Variants in TFCP2L1 observed in about 807,000 individuals in gnomAD.
The protein encoded by TFCP2L1 is transcription factor CP2 like 1, also known as transcription factor CP2-like protein 1.
A neutral mutation model predicts 72.2 loss-of-function variants in TFCP2L1; 12 were observed. The observed-to-expected ratio is 0.17, with a 90% CI of 0.11 to 0.27. The LOEUF is 0.27. TFCP2L1 is among the 10% of genes least tolerant of loss of function. The probability of loss-of-function intolerance (pLI) is 1.00; values close to 1 mark genes in which losing one functional copy is unlikely to be tolerated. For synonymous variants in TFCP2L1, 260 were observed against 251.0 expected (o/e 1.04, Z -0.34); for missense variants, 488 against 624.6 (o/e 0.78, Z 2.33).
Position 121,224,210 on chromosome 2 carries a change from T to C in TFCP2L1, c.*131A>G. 2.0e-6 allele frequency: 2 copies of C among 1,022,232 alleles called. No homozygotes were observed. Among genetic ancestry groups the C allele is most frequent in the East Asian group, 5.1e-5 (2 of 39,414 alleles). The allele number at this position is 1,022,232 out of a possible 1,614,324, so 63.3% of individuals were successfully genotyped here. On this transcript the variant is annotated 3_prime_UTR_variant, in exon 15 of 15. Coordinates refer to ENST00000263707, the MANE Select transcript of TFCP2L1 (RefSeq NM_014553.3). ...TCTGCTGGTTGGTGCTCTGTAGCTT[T>C]CACAGACTGGGCAGGGTCCCTCCTG...
At chr2:121,281,070 C>T (rs1355743687) in intron 2 of TFCP2L1, 50 bp downstream of exon 2, 4 of 1,610,940 alleles carry the variant, frequency 2.5e-6, no homozygotes, top group South Asian at 1.1e-5. Context: ...TTCGCATCAG[C>T]TCCCCACTAC....
At chr2:121,234,325 C>A in intron 11 of TFCP2L1, 131 bp from the exon 12 acceptor site, 1 of 826,822 alleles carries the variant, frequency 1.2e-6, no homozygotes, top group African/African-American at 1.7e-5. Context: ...ACGTGGAGTG[C>A]CTGTCATGGG....
intron 2 of TFCP2L1, among the ~76,000 whole-genome samples, chr2:121,250,443 C>T (rs1458718684): frequency 6.6e-6 from 1 of 150,508 alleles, no homozygotes; most frequent in African/African-American, 2.4e-5. Context: ...CCAATTTTCC[C>T]AAAATGTATC....
At chr2:121,270,693 A>G (rs960051411) in intron 2 of TFCP2L1, among the ~76,000 whole-genome samples, 4 of 151,956 alleles carry the variant, frequency 2.6e-5, no homozygotes, top group African/African-American at 7.3e-5. Context: ...GACATTGAAG[A>G]TATTTTGTTT....
chr2:121,277,493 C>A (rs951806917), intron 2 of TFCP2L1, among the ~76,000 whole-genome samples: 1 of 152,192 alleles, frequency 6.6e-6, no homozygotes, highest in Non-Finnish European at 1.5e-5. Flanking sequence ...TGATATGCAT[C>A]AAAAGCCTCA....
At chr2:121,263,863 G>C (rs1311160433) in intron 2 of TFCP2L1, among the ~76,000 whole-genome samples, 1 of 152,234 alleles carries the variant, frequency 6.6e-6, no homozygotes, top group Non-Finnish European at 1.5e-5. Context: ...CTGGGGCAGA[G>C]GTGGGTGACT....
At chr2:121,231,064 A>T (rs533109553) in intron 13 of TFCP2L1, among the ~76,000 whole-genome samples, 52 of 152,294 alleles carry the variant, frequency 3.4e-4, no homozygotes, top group African/African-American at 1.2e-3. Flanking sequence ...AACCTGGGGC[A>T]ATTACTCAGC....
rs1685897505 is a variant in TFCP2L1, at chr2:121,219,792, G to A, written c.*4549C>T. 6.6e-6 allele frequency: 1 copy of A among 152,152 alleles called. No homozygotes were observed. Among genetic ancestry groups the A allele is most frequent in the Non-Finnish European group, 1.5e-5 (1 of 68,032 alleles). The allele number at this position is 152,152 out of a possible 1,614,324, so 9.4% of individuals were successfully genotyped here. A position where few individuals can be genotyped will look rare whatever the true frequency, so the allele number is the denominator to read the frequency against. On this transcript the variant is annotated 3_prime_UTR_variant, in exon 15 of 15. Transcript: ENST00000263707. ...AGCTTTTTGTACGATTTTGATGGAG[G>A]GAAAAATGGGAAAACCCCTCAGATT...
intron 1 of TFCP2L1, among the ~76,000 whole-genome samples, chr2:121,281,916 T>C (rs1377560511): frequency 1.5e-5 from 2 of 133,246 alleles, no homozygotes; most frequent in African/African-American, 2.9e-5. Context: ...AAGTCTGTGT[T>C]TGTGTGGTTG....
intron 8 of TFCP2L1, among the ~76,000 whole-genome samples, chr2:121,238,705 T>C (rs1270345264): frequency 6.6e-6 from 1 of 151,874 alleles, no homozygotes; most frequent in African/African-American, 2.4e-5. Flanking sequence ...CCCCCTTTTG[T>C]AGTAGAGAAA....
rs1225552779 is a variant in TFCP2L1 at position 121,220,473 on chromosome 2, A to C, written c.*3868T>G. 6.6e-6 allele frequency: 1 copy of C among 152,250 alleles called. No individual in the cohort carries two copies. The highest frequency in any genetic ancestry group is 1.5e-5 in the Non-Finnish European group (1 of 68,046). The allele number at this position is 152,250 out of a possible 1,614,324, so 9.4% of individuals were successfully genotyped here. A position where few individuals can be genotyped will look rare whatever the true frequency, so the allele number is the denominator to read the frequency against. Reference sequence around the variant, plus strand: ...TATCTCAACCTTGCAGATACCCCGCAAAAACCGTGACGACCTAAGAGTAAG... The same window carrying C: ...TATCTCAACCTTGCAGATACCCCGCCAAAACCGTGACGACCTAAGAGTAAG... On this transcript the variant is annotated 3_prime_UTR_variant, in exon 15 of 15. Transcript: ENST00000263707.
At chr2:121,241,884 A>C (rs1293507268) in intron 7 of TFCP2L1, among the ~76,000 whole-genome samples, 2 of 152,104 alleles carry the variant, frequency 1.3e-5, no homozygotes. Flanking sequence ...GTCTATGTAC[A>C]CTGTTGGTAT....
chr2:121,283,970 A>C (rs186936280), intron 1 of TFCP2L1, among the ~76,000 whole-genome samples: 17 of 152,324 alleles, frequency 1.1e-4, no homozygotes, highest in African/African-American at 3.4e-4. Flanking sequence ...CATGAATAAA[A>C]ACAGCAGATA....
intron 6 of TFCP2L1, among the ~76,000 whole-genome samples, chr2:121,243,693 G>A (rs530193980): frequency 1.8e-4 from 27 of 151,710 alleles, no homozygotes; most frequent in Non-Finnish European, 3.2e-4. Flanking sequence ...CTCCTTATAA[G>A]AATCTAATGC....
rs757514680 is a variant in TFCP2L1 at position 121,232,004 on chromosome 2, G to A, written c.1199-36C>T. 6 of 1,546,360 alleles carry A rather than the reference G, an allele frequency of 3.9e-6. No individual in the cohort carries two copies. The East Asian group carries it at 1.2e-4, about 30-fold the overall frequency. ...GAGGAGCAAGTGCTGCTTTCCAAGT[G>A]GCCATTCTGTCAGTGTGAGCCTCCC... On this transcript the variant is annotated intron_variant, in intron 12 of 14. Coordinates refer to ENST00000263707, the MANE Select transcript of TFCP2L1 (RefSeq NM_014553.3).
At chr2:121,259,267 G>C (rs1369674257) in intron 2 of TFCP2L1, among the ~76,000 whole-genome samples, 3 of 149,992 alleles carry the variant, frequency 2.0e-5, no homozygotes, top group Non-Finnish European at 4.4e-5. Context: ...TGGGCAATAA[G>C]AGTGAAACTC....
At chr2:121,235,574 C>CTTTTTTT (rs34634906) in intron 10 of TFCP2L1, among the ~76,000 whole-genome samples, 1 of 119,834 alleles carries the variant, frequency 8.3e-6, no homozygotes, top group East Asian at 2.7e-4. Flanking sequence ...TTCTTTCTTT[C>CTTTTTTT]TTTTTTTTTT....
intron 1 of TFCP2L1, among the ~76,000 whole-genome samples, chr2:121,282,226 C>A (rs905623047): frequency 6.6e-6 from 1 of 151,318 alleles, no homozygotes; most frequent in Non-Finnish European, 1.5e-5. Flanking sequence ...AGCCACCGCG[C>A]CCAGCCCAGT....
At chr2:121,263,433 A>C (rs796937590) in intron 2 of TFCP2L1, among the ~76,000 whole-genome samples, 1 of 151,766 alleles carries the variant, frequency 6.6e-6, no homozygotes, top group African/African-American at 2.4e-5. Flanking sequence ...AAGCCGAAAG[A>C]AAAATGAGCA....
Sources: gnomAD v4.1 joint callset for allele counts (sites outside exome capture counted in the v4.1 genomes callset) on GRCh38, gnomAD v4.1.1 for gene constraint, MANE v1.5 for transcripts, NCBI Gene and HGNC (gene_info 2026-07-23, HGNC 2026-07-21) for gene names.